P2RX3: variants seen among roughly 807,000 people sequenced by gnomAD.
P2RX3 encodes purinergic receptor P2X 3.
In P2RX3, 41 loss-of-function variants were observed where a neutral mutation model predicts 51.5. The ratio of observed to expected loss-of-function variants is 0.80; its 90% CI spans 0.62 to 1.03. The LOEUF (loss-of-function observed/expected upper bound fraction) is 1.03, where lower values mean the gene tolerates loss of function less well. P2RX3 is among the 50% of genes least tolerant of loss of function. The pLI, the probability that P2RX3 is intolerant of heterozygous loss-of-function variation, is 0.00. For missense variants in P2RX3, 459 were observed against 522.1 expected (o/e 0.88, Z 1.18); for synonymous variants, 185 against 191.6 (o/e 0.97, Z 0.29).
chr11:57,350,296 C>CTT lies in P2RX3; in HGVS notation c.705+418_705+419dup, dbSNP rs1183553337. 1.4e-3 allele frequency: 156 copies of CTT among 108,780 alleles called. 2 individuals carry two copies. Among genetic ancestry groups the CTT allele is most frequent in the South Asian group, 3.1e-3 (9 of 2,948 alleles). 6.7% of individuals were successfully genotyped at this position (108,780 alleles called of 1,614,324 possible). A position where few individuals can be genotyped will look rare whatever the true frequency, so the allele number is the denominator to read the frequency against. On this transcript the variant is annotated intron_variant, in intron 7 of 11. Transcript: ENST00000263314. ...CCAATGTTCGCATCCGAGCCACAAC[C>CTT]TTTTTTTTTTTTTTTTTTTTTGAGA...
intron 8 of P2RX3, among the ~76,000 whole-genome samples, chr11:57,361,106 C>G (rs1052460129): frequency 4.1e-4 from 62 of 152,326 alleles, no homozygotes; most frequent in African/African-American, 1.4e-3. Context: ...GTGGACCCAG[C>G]TGCTGCCACT....
intron 1 of P2RX3, among the ~76,000 whole-genome samples, chr11:57,343,507 A>G (rs1856378845): frequency 6.6e-6 from 1 of 152,328 alleles, no homozygotes; most frequent in East Asian, 1.9e-4. Flanking sequence ...CAGCTTTGCA[A>G]TCCTGGGCAA....
At chr11:57,368,342 G>A in intron 9 of P2RX3, 30 bp from the exon 10 acceptor site, 1 of 1,613,532 alleles carries the variant, frequency 6.2e-7, no homozygotes, top group Non-Finnish European at 8.5e-7. Flanking sequence ...TGGGCCCTCT[G>A]CCCACTTGCC....
rs67821929 is a variant in P2RX3 at position 57,370,065 on chromosome 11, A to AG, written c.*72dup. 0.99 allele frequency: 1,027,470 copies of AG among 1,032,660 alleles called. 511,354 individuals carry two copies. The highest frequency in any genetic ancestry group is 1 in the East Asian group (39,167 of 39,170). 64.0% of individuals were successfully genotyped at this position (1,032,660 alleles called of 1,614,324 possible). Reference sequence around the variant, plus strand: ...CCCCACAGAGGACCCTGCCTGAGCAAGGGGCATGGGAGGGAAGAGGGGCTC... The same window carrying AG: ...CCCCACAGAGGACCCTGCCTGAGCAAGGGGGCATGGGAGGGAAGAGGGGCTC... On this transcript the variant is annotated 3_prime_UTR_variant, in exon 12 of 12. Transcript: ENST00000263314.
At chr11:57,346,709 G>C in intron 2 of P2RX3, 30 bp downstream of exon 2, 1 of 1,610,630 alleles carries the variant, frequency 6.2e-7, no homozygotes, top group Non-Finnish European at 8.5e-7. Context: ...AGAGGCATGT[G>C]GATGTCCAGA....
rs762308207 is a variant in P2RX3, at chr11:57,346,664, C to T, written c.240C>T (p.Tyr80=). The T allele has an allele frequency of 1.5e-4, 246 of 1,613,968 alleles. No individual in the cohort carries two copies. Among genetic ancestry groups the T allele is most frequent in the Middle Eastern group, 6.8e-4 (4 of 5,900 alleles). ...ACAGAGTCATGGATGTGTCTGATTACGTGACGCCACCTCAGGTATGGTACC... is the reference window on the plus strand; with the variant it reads ...ACAGAGTCATGGATGTGTCTGATTATGTGACGCCACCTCAGGTATGGTACC... ...YANRVMDVSD[Y]VTPPQGTSVF... The change falls in exon 2 of 12, where the codon TAC becomes TAT. Residue 80 remains tyrosine (Y), a synonymous_variant. Transcript: ENST00000263314.
At position 57,372,330 on chromosome 11, in the gene P2RX3, C is replaced by T. The variant is rs575700305; in HGVS notation, c.*2333C>T. Among the ~76,000 whole-genome samples the T allele has an allele frequency of 6.6e-6, 1 of 152,292 alleles. No individual in the cohort carries two copies. The highest frequency in any genetic ancestry group is 2.1e-4 in the South Asian group (1 of 4,816). On this transcript the variant is annotated 3_prime_UTR_variant, in exon 12 of 12. Transcript: ENST00000263314. The stretch of plus-strand genomic sequence containing the variant: ...GGACCAAATGAGTGACAGGGATTGT[C>T]TAACTCAACCCCCACTTTACAGAAG...
At chr11:57,337,311 GAAAGAAAAAGAAAAAAAA>G (rs1565058094), upstream of P2RX3, among the ~76,000 whole-genome samples, 1 of 11,532 alleles carries the variant, frequency 8.7e-5, no homozygotes, top group Non-Finnish European at 1.6e-4. Flanking sequence ...AAAAAAGAAA[GAAAGAAAAAGAAAAAAAA>G]AAGGAAGGGA....
chr11:57,346,858 G>T (rs1856444039), intron 2 of P2RX3, among the ~76,000 whole-genome samples, 179 bp downstream of exon 2: 1 of 152,208 alleles, frequency 6.6e-6, no homozygotes, highest in South Asian at 2.1e-4. Flanking sequence ...TGCGGTGCTG[G>T]GCATCAGGAA....
rs1856276214 is a variant in P2RX3, at chr11:57,338,469, C to CT, written c.-82_-81insT. ...AGCTGCCCCCTCCAGGTCGTGATCT[C>CT]GTCTCCCTGTCCTGTAGGACCTCCC... On this transcript the variant is annotated 5_prime_UTR_variant, in exon 1 of 12. Transcript: ENST00000263314. 1.1e-6 allele frequency: 1 copy of CT among 906,312 alleles called. No individual in the cohort carries two copies. Among genetic ancestry groups the CT allele is most frequent in the Non-Finnish European group, 1.7e-6 (1 of 579,830 alleles). 56.1% of individuals were successfully genotyped at this position (906,312 alleles called of 1,614,324 possible).
chr11:57,355,503 G>A (rs1028898556), intron 8 of P2RX3, among the ~76,000 whole-genome samples: 5 of 152,016 alleles, frequency 3.3e-5, no homozygotes, highest in African/African-American at 1.2e-4. Flanking sequence ...ACCACGCCCA[G>A]CTAATTTTTG....
chr11:57,351,820 T>A (rs1368361616), intron 8 of P2RX3, among the ~76,000 whole-genome samples: 1 of 152,206 alleles, frequency 6.6e-6, no homozygotes, highest in Non-Finnish European at 1.5e-5. Flanking sequence ...GACTACAAGG[T>A]CAACACTACT....
chr11:57,355,076 G>A (rs1490926794), intron 8 of P2RX3, among the ~76,000 whole-genome samples: 2 of 152,206 alleles, frequency 1.3e-5, no homozygotes, highest in South Asian at 4.1e-4. Flanking sequence ...CCAGAGCTGA[G>A]GCAAAGTGGC....
intron 6 of P2RX3, 64 bp downstream of exon 6, chr11:57,348,768 C>G: frequency 7.9e-7 from 1 of 1,262,016 alleles, no homozygotes; most frequent in East Asian, 2.3e-5. Context: ...AACCTGTTTT[C>G]AGGGAAGTGG....
intron 8 of P2RX3, among the ~76,000 whole-genome samples, chr11:57,359,595 C>T (rs768933255): frequency 8.5e-5 from 13 of 152,222 alleles, no homozygotes; most frequent in Non-Finnish European, 1.8e-4. Flanking sequence ...TCCTCTGATG[C>T]CTATGGCATC....
chr11:57,368,231 C>T (rs1856826818), intron 9 of P2RX3, 129 bp downstream of exon 9: 2 of 1,300,184 alleles, frequency 1.5e-6, no homozygotes, highest in Admixed American at 3.4e-5. Flanking sequence ...CAGTGGGTCA[C>T]TCTCCCATCA....
rs541159531 is a variant in P2RX3, at chr11:57,362,498, G to T, written c.843-5511G>T. On this transcript the variant is annotated intron_variant, in intron 8 of 11. Transcript: ENST00000263314. ...GGTCCTTCTGTCCTGACACTGCATGGCCCCCCAGGCTTCCTGTTCTGCTCC... is the reference window on the plus strand; with the variant it reads ...GGTCCTTCTGTCCTGACACTGCATGTCCCCCCAGGCTTCCTGTTCTGCTCC... Among the ~76,000 whole-genome samples, 193 of 152,242 alleles carry T rather than the reference G, an allele frequency of 1.3e-3. 1 individual carries two copies. The highest frequency in any genetic ancestry group is 4.5e-3 in the African/African-American group (188 of 41,540).
rs1856407953 is a variant in P2RX3 at position 57,345,087 on chromosome 11, G to A, written c.120-1457G>A. ...GTGTGGTGACTTTCCGCAGCAGGCG[G>A]TTCTGGGATTGAAGTCCTCGCCCAC... is the stretch of plus-strand genomic sequence containing the variant. On this transcript the variant is annotated intron_variant, in intron 1 of 11. Transcript: ENST00000263314. Among the ~76,000 whole-genome samples, 5 of 152,246 alleles carry A rather than the reference G, an allele frequency of 3.3e-5. No homozygotes were observed. In the South Asian group the frequency reaches 8.3e-4, roughly 25 times the overall value.
chr11:57,342,202 C>G (rs1416595881), intron 1 of P2RX3, among the ~76,000 whole-genome samples: 1 of 126,842 alleles, frequency 7.9e-6, no homozygotes, highest in South Asian at 2.8e-4. Context: ...CTCTGTCCCT[C>G]AGGCCGGAGT....
Sources: gnomAD v4.1 joint callset for allele counts (sites outside exome capture counted in the v4.1 genomes callset) on GRCh38, gnomAD v4.1.1 for gene constraint, MANE v1.5 for transcripts, NCBI Gene and HGNC (gene_info 2026-07-23, HGNC 2026-07-21) for gene names.